The following PBX3 variants were observed in gnomAD, a reference collection of about 807,000 sequenced individuals.
The protein encoded by PBX3 is PBX homeobox 3, also known as pre-B-cell leukemia transcription factor 3.
PBX3 carries 14 observed loss-of-function variants against 48.5 expected under a neutral mutation model. That is an observed-to-expected ratio of 0.29 (90% CI 0.19 to 0.45). The LOEUF (loss-of-function observed/expected upper bound fraction) is 0.45, where lower values mean the gene tolerates loss of function less well. PBX3 is among the 20% of genes least tolerant of loss of function. The pLI, the probability that PBX3 is intolerant of heterozygous loss-of-function variation, is 1.00. For missense variants in PBX3, 386 were observed against 546.7 expected (o/e 0.71, Z 2.93); for synonymous variants, 210 against 200.3 (o/e 1.05, Z -0.41).
intron 2 of PBX3, among the ~76,000 whole-genome samples, chr9:125,861,183 T>C (rs1839854949): frequency 6.6e-6 from 1 of 151,952 alleles, no homozygotes; most frequent in South Asian, 2.1e-4. Context: ...TGGTCCTAGC[T>C]ACCCGGGAGG....
At chr9:125,844,326 C>A (rs1186491814) in intron 2 of PBX3, among the ~76,000 whole-genome samples, 77 of 120,842 alleles carry the variant, frequency 6.4e-4, no homozygotes, top group African/African-American at 7.8e-4. Flanking sequence ...GATTTAAAAA[C>A]AAAAAAAATC....
chr9:125,783,825 C>T (rs1016364807), intron 2 of PBX3, among the ~76,000 whole-genome samples: 1 of 151,828 alleles, frequency 6.6e-6, no homozygotes, highest in Non-Finnish European at 1.5e-5. Context: ...ATGATAAAAC[C>T]CCTTCTCTAA....
intron 2 of PBX3, among the ~76,000 whole-genome samples, chr9:125,901,521 A>C (rs1321780640): frequency 1.3e-5 from 2 of 151,724 alleles, no homozygotes; most frequent in African/African-American, 4.8e-5. Context: ...ATATATGTAT[A>C]GGTTTTAGTA....
intron 8 of PBX3, among the ~76,000 whole-genome samples, chr9:125,965,370 T>G (rs1842509256): frequency 6.6e-6 from 1 of 152,146 alleles, no homozygotes; most frequent in South Asian, 2.1e-4. Context: ...TTTCCAAGGG[T>G]TACAGTAGCT....
intron 2 of PBX3, among the ~76,000 whole-genome samples, chr9:125,781,402 C>G (rs566249917): frequency 6.6e-6 from 1 of 151,554 alleles, no homozygotes; most frequent in Non-Finnish European, 1.5e-5. Flanking sequence ...CGCCTGCAAT[C>G]GCAGGCACTC....
intron 2 of PBX3, among the ~76,000 whole-genome samples, chr9:125,878,217 G>C (rs1238719702): frequency 6.6e-6 from 1 of 152,204 alleles, no homozygotes; most frequent in Non-Finnish European, 1.5e-5. Flanking sequence ...CTGCACATCA[G>C]TTAGAATGCT....
At chr9:125,797,053 GTTTA>G (rs1199707060) in intron 2 of PBX3, among the ~76,000 whole-genome samples, 2 of 151,884 alleles carry the variant, frequency 1.3e-5, no homozygotes, top group African/African-American at 4.8e-5. Flanking sequence ...GCTAATGAAC[GTTTA>G]TTTGTCTTAT....
chr9:125,938,191 A>C (rs1841880352), intron 5 of PBX3, among the ~76,000 whole-genome samples: 1 of 152,222 alleles, frequency 6.6e-6, no homozygotes, highest in African/African-American at 2.4e-5. Flanking sequence ...CTTCAGAAGA[A>C]GTGTAAGGCA....
In PBX3 at chr9:125,759,389, G is replaced by T. The variant is rs1420034809; in HGVS notation, c.274+10766G>T. ...AGAATGGCTTCCTCCTGGCTGGTGG[G>T]CTGGCAGTTTCACTGGCACTGCCAA... On this transcript the variant is annotated intron_variant, in intron 2 of 8. Transcript: ENST00000373489. This position sits in a 1 kb window ranked among gnomAD's most constrained non-coding sequence, Gnocchi z 4.2. Among the ~76,000 whole-genome samples the T allele has an allele frequency of 6.6e-6, 1 of 152,192 alleles. No individual in the cohort carries two copies. The highest frequency in any genetic ancestry group is 1.5e-5 in the Non-Finnish European group (1 of 68,032).
intron 5 of PBX3, among the ~76,000 whole-genome samples, chr9:125,948,941 A>AT (rs572632239): frequency 1.3e-5 from 2 of 152,104 alleles, no homozygotes; most frequent in South Asian, 4.2e-4. Context: ...TAATTTTTGT[A>AT]TTTTTTGTAG....
intron 3 of PBX3, among the ~76,000 whole-genome samples, chr9:125,922,263 A>T (rs966600367): frequency 6.6e-6 from 1 of 152,202 alleles, no homozygotes. Flanking sequence ...AAAATGGGAA[A>T]GACAAAGACT....
At chr9:125,794,698 C>T (rs891383785) in intron 2 of PBX3, among the ~76,000 whole-genome samples, 8 of 106,994 alleles carry the variant, frequency 7.5e-5, no homozygotes, top group African/African-American at 2.2e-4. Context: ...AGACTCATGG[C>T]TGTTTTTTTT....
intron 2 of PBX3, among the ~76,000 whole-genome samples, chr9:125,795,799 C>A (rs10986923): frequency 6.6e-6 from 1 of 152,020 alleles, no homozygotes; most frequent in South Asian, 2.1e-4. Context: ...CTTTAATACA[C>A]GAGGTCCCAC....
chr9:125,760,732 A>T (rs1836644105), intron 2 of PBX3, among the ~76,000 whole-genome samples: 1 of 152,168 alleles, frequency 6.6e-6, no homozygotes, highest in South Asian at 2.1e-4. Flanking sequence ...AAATTAGGCT[A>T]ATTACATTTT....
chr9:125,907,311 C>A (rs751621607), intron 2 of PBX3, among the ~76,000 whole-genome samples: 6 of 151,802 alleles, frequency 4.0e-5, no homozygotes, highest in Non-Finnish European at 8.8e-5. Flanking sequence ...CAGATTTGAC[C>A]ATTTAATGAA....
At position 125,758,067 on chromosome 9, in the gene PBX3, AACTT is replaced by A; in HGVS notation, c.274+9448_274+9451del. 2.6e-5 allele frequency among the ~76,000 whole-genome samples: 4 copies of A among 152,300 alleles called. No homozygotes were observed. The South Asian group carries it at 8.3e-4, about 32-fold the overall frequency. ...ATGTGATACTGAGGATGTCCTTAGG[AACTT>A]ACTGACTTCTTGGTTCTTGACCTTT... On this transcript the variant is annotated intron_variant, in intron 2 of 8. Transcript: ENST00000373489.
In PBX3 at chr9:125,837,242, G is replaced by A. The variant is rs181432160; in HGVS notation, c.275-78444G>A. On this transcript the variant is annotated intron_variant, in intron 2 of 8. Transcript: ENST00000373489. ...GCACTAATACAGAACCAGTTTACAAGCTATGTTGTTAAGTCAGAAAGCTAA... is the reference window on the plus strand; with the variant it reads ...GCACTAATACAGAACCAGTTTACAAACTATGTTGTTAAGTCAGAAAGCTAA... 2.2e-4 allele frequency among the ~76,000 whole-genome samples: 33 copies of A among 151,994 alleles called. No homozygotes were observed. In the East Asian group the frequency reaches 6.0e-3, roughly 28 times the overall value.
At chr9:125,806,106 C>T (rs1838117381) in intron 2 of PBX3, among the ~76,000 whole-genome samples, 1 of 152,104 alleles carries the variant, frequency 6.6e-6, no homozygotes, top group African/African-American at 2.4e-5. Context: ...TAATAGGTGA[C>T]TAGAGACCAG....
At chr9:125,939,928 G>C (rs12236491) in intron 5 of PBX3, among the ~76,000 whole-genome samples, 10,699 of 152,198 alleles carry the variant, frequency 0.07, 867 homozygotes, top group African/African-American at 0.18. Context: ...AAAAAGGGCC[G>C]GGTGTGGTGG....
Sources: allele counts gnomAD v4.1 joint callset (sites outside exome capture counted in the v4.1 genomes callset), GRCh38; gene constraint gnomAD v4.1.1; non-coding constraint Gnocchi (gnomAD v3.1); transcripts MANE v1.5; gene names NCBI Gene and HGNC (gene_info 2026-07-23, HGNC 2026-07-21).